The following INTS9 variants were observed in gnomAD, a reference collection of about 807,000 sequenced individuals.
INTS9 encodes the protein integrator complex subunit 9, also known as protein related to CPSF subunits of 74 kDa.
Under a neutral mutation model 79.7 loss-of-function variants are expected in INTS9, and 55 were observed. The ratio of observed to expected loss-of-function variants is 0.69; its 90% CI spans 0.56 to 0.86. INTS9 has a LOEUF of 0.86. INTS9 is among the 40% of genes least tolerant of loss of function. The pLI is 0.00. For synonymous variants in INTS9, 319 were observed against 325.2 expected (o/e 0.98, Z 0.20); for missense variants, 721 against 831.5 (o/e 0.87, Z 1.64).
intron 1 of INTS9, among the ~76,000 whole-genome samples, chr8:28,860,819 G>A (rs1808423156): frequency 6.6e-6 from 1 of 152,320 alleles, no homozygotes; most frequent in Non-Finnish European, 1.5e-5. Flanking sequence ...ACGAGTGAGA[G>A]TGAAGCTCCA....
chr8:28,856,695 A>C (rs1368279163), intron 2 of INTS9, among the ~76,000 whole-genome samples: 1 of 152,180 alleles, frequency 6.6e-6, no homozygotes, highest in African/African-American at 2.4e-5. Flanking sequence ...CGGTTATTGC[A>C]GCTCTGAGCA....
intron 14 of INTS9, among the ~76,000 whole-genome samples, chr8:28,774,718 T>C (rs538689732): frequency 6.6e-6 from 1 of 152,314 alleles, no homozygotes; most frequent in East Asian, 1.9e-4. Context: ...GCACACTGGT[T>C]TTAACAATAA....
chr8:28,788,422 T>C (rs1211020758), intron 10 of INTS9, among the ~76,000 whole-genome samples: 3 of 152,212 alleles, frequency 2.0e-5, no homozygotes, highest in African/African-American at 7.2e-5. Context: ...TTTTTGTCCA[T>C]GCACTTTTTT....
At chr8:28,819,848 C>CAT (rs965203602) in intron 6 of INTS9, among the ~76,000 whole-genome samples, 4 of 152,148 alleles carry the variant, frequency 2.6e-5, no homozygotes, top group African/African-American at 9.7e-5. Context: ...TGTTTGGGTG[C>CAT]ATATATATTT....
intron 14 of INTS9, among the ~76,000 whole-genome samples, chr8:28,773,480 AAT>A (rs1016534083): frequency 2.0e-5 from 3 of 147,030 alleles, no homozygotes; most frequent in Middle Eastern, 3.2e-3. Flanking sequence ...AAAAAAAAAA[AAT>A]CTATGAAAAA....
rs78029312 is a variant in INTS9 at position 28,779,818 on chromosome 8, A to G, written c.1270+1005T>C. On this transcript the variant is annotated intron_variant, in intron 12 of 16. Coordinates refer to ENST00000521022, the MANE Select transcript of INTS9 (RefSeq NM_018250.4). ...CTAGGTCACAAATGAAAGCTGGGGG[A>G]AGGGCTGAAGCGTCACCCCAGTGCT... is the stretch of plus-strand genomic sequence containing the variant. Among the ~76,000 whole-genome samples the G allele has an allele frequency of 5.9e-3, 893 of 152,192 alleles. 15 individuals carry two copies. The highest frequency in any genetic ancestry group is 0.021 in the African/African-American group (857 of 41,522).
chr8:28,771,814 C>A (rs1050197423), intron 14 of INTS9, among the ~76,000 whole-genome samples: 1 of 152,184 alleles, frequency 6.6e-6, no homozygotes, highest in African/African-American at 2.4e-5. Context: ...GGATGGCGTT[C>A]TGCGCTCTCC....
chr8:28,804,366 G>A (rs1038752471), intron 8 of INTS9, among the ~76,000 whole-genome samples: 8 of 152,204 alleles, frequency 5.3e-5, no homozygotes, highest in South Asian at 4.1e-4. Flanking sequence ...GCAGGCAATC[G>A]CCTCTACTGC....
intron 14 of INTS9, among the ~76,000 whole-genome samples, chr8:28,773,074 T>C (rs972481345): frequency 6.6e-6 from 1 of 152,146 alleles, no homozygotes; most frequent in Non-Finnish European, 1.5e-5. Flanking sequence ...TTCAGAAAAT[T>C]TTCTTATGGA....
Position 28,889,904 on chromosome 8 carries a change from TAGC to T in INTS9, c.-25_-23del, listed in dbSNP as rs1563326691. 1 of 1,611,000 alleles carries T rather than the reference TAGC, an allele frequency of 6.2e-7. No homozygotes were observed. On this transcript the variant is annotated 5_prime_UTR_variant, in exon 1 of 17. Transcript: ENST00000521022. ...TCATAATGGACTTTTGGTGGTTCAA[TAGC>T]AGTCACTGAACTCCTCAAACCCAGG...
intron 1 of INTS9, among the ~76,000 whole-genome samples, chr8:28,861,749 A>C (rs188235932): frequency 1.3e-5 from 2 of 152,370 alleles, no homozygotes; most frequent in African/African-American, 4.8e-5. Context: ...GATGCTCAAA[A>C]GATTTCAGCA....
rs17059481 is a variant in INTS9, at chr8:28,808,528, C to A, written c.744+3799G>T. On this transcript the variant is annotated intron_variant, in intron 8 of 16. Transcript: ENST00000521022. ...ACTCTCCAGTTTGTCTCCAGACTTG[C>A]CTCCACATCCCAGTTCCAGCCCCAT... 4.0e-3 allele frequency among the ~76,000 whole-genome samples: 609 copies of A among 152,240 alleles called. 7 individuals carry two copies. The highest frequency in any genetic ancestry group is 0.013 in the African/African-American group (550 of 41,548).
intron 14 of INTS9, among the ~76,000 whole-genome samples, chr8:28,774,197 C>T (rs991844211): frequency 2.0e-5 from 3 of 152,202 alleles, no homozygotes; most frequent in African/African-American, 7.2e-5. Flanking sequence ...GGCACACACA[C>T]AGTGAACAGA....
At position 28,789,482 on chromosome 8, in the gene INTS9, A is replaced by G. The variant is rs557292033; in HGVS notation, c.1038-1593T>C. On this transcript the variant is annotated intron_variant, in intron 10 of 16. Coordinates refer to ENST00000521022, the MANE Select transcript of INTS9 (RefSeq NM_018250.4). ...GGAGATCTGTGTATACCAGATTATC[A>G]GGAAGAATGAAGAATAAATGGCGCT... is the stretch of plus-strand genomic sequence containing the variant. 5.1e-5 allele frequency among the ~76,000 whole-genome samples: 7 copies of G among 137,296 alleles called. No homozygotes were observed. The East Asian group carries it at 1.3e-3, about 26-fold the overall frequency. The allele number at this position is 137,296 out of a possible 152,430, so 90.1% of individuals were successfully genotyped here. A position where few individuals can be genotyped will look rare whatever the true frequency, so the allele number is the denominator to read the frequency against.
At chr8:28,881,758 C>T (rs1224795652) in intron 1 of INTS9, among the ~76,000 whole-genome samples, 36 of 140,534 alleles carry the variant, frequency 2.6e-4, no homozygotes, top group Middle Eastern at 4.1e-3. Flanking sequence ...TGAGGGGCGC[C>T]TCTGCCCGGC....
At chr8:28,818,635 C>A (rs1295364703) in intron 6 of INTS9, among the ~76,000 whole-genome samples, 8 of 149,108 alleles carry the variant, frequency 5.4e-5, no homozygotes, top group East Asian at 2.0e-4. Context: ...TGTCTCTGCC[C>A]GGCTTTGGTA....
At chr8:28,772,407 G>A (rs534890725) in intron 14 of INTS9, among the ~76,000 whole-genome samples, 1 of 152,260 alleles carries the variant, frequency 6.6e-6, no homozygotes, top group African/African-American at 2.4e-5. Flanking sequence ...CCAGCTACTC[G>A]AGAGCCTAGG....
intron 1 of INTS9, among the ~76,000 whole-genome samples, chr8:28,883,192 C>G (rs1001689562): frequency 7.9e-5 from 12 of 152,258 alleles, no homozygotes; most frequent in African/African-American, 2.9e-4. Context: ...TCTGTCTGAT[C>G]TCACAGTACC....
chr8:28,850,428 C>T (rs907840587), intron 2 of INTS9, among the ~76,000 whole-genome samples, 155 bp from the exon 3 acceptor site: 1 of 150,082 alleles, frequency 6.7e-6, no homozygotes, highest in African/African-American at 2.5e-5. Flanking sequence ...GAGAAATAAC[C>T]ATGTTGTATC....
Sources: allele counts gnomAD v4.1 joint callset (sites outside exome capture counted in the v4.1 genomes callset), GRCh38; gene constraint gnomAD v4.1.1; transcripts MANE v1.5; gene names NCBI Gene and HGNC (gene_info 2026-07-23, HGNC 2026-07-21).